MTMR9: variants seen among roughly 807,000 people sequenced by gnomAD.
MTMR9 encodes myotubularin related protein 9.
Under a neutral mutation model 69.5 loss-of-function variants are expected in MTMR9, and 39 were observed. The ratio of observed to expected loss-of-function variants is 0.56; its 90% CI spans 0.43 to 0.73. MTMR9 has a LOEUF of 0.73. Ranked by LOEUF, MTMR9 falls within the 30% of genes least tolerant of loss-of-function variation. The pLI is 0.00. For synonymous variants in MTMR9, 354 were observed against 240.8 expected (o/e 1.47, Z -4.35); for missense variants, 900 against 671.2 (o/e 1.34, Z -3.77).
chr8:11,302,542 A>G (rs922833115), intron 3 of MTMR9, among the ~76,000 whole-genome samples: 3 of 152,188 alleles, frequency 2.0e-5, no homozygotes, highest in Non-Finnish European at 4.4e-5. Context: ...ATCAATATCT[A>G]TTTATGATAA....
At chr8:11,310,009 T>C (rs1800131827) in intron 6 of MTMR9, among the ~76,000 whole-genome samples, 1 of 152,094 alleles carries the variant, frequency 6.6e-6, no homozygotes. Context: ...TGAAATAGAA[T>C]GAAAGGAAGT....
intron 1 of MTMR9, chr8:11,285,283 C>G (rs1020130263): frequency 1.7e-5 from 9 of 519,414 alleles, no homozygotes; most frequent in East Asian, 1.0e-4. Context: ...TCAGGGTTAT[C>G]GTGTGGCTGG....
the MTMR9 span, among the ~76,000 whole-genome samples, chr8:11,338,132 G>A: frequency 0.057 from 8,696 of 152,276 alleles, 552 homozygotes; most frequent in Admixed American, 0.19. Context: ...AGAATTTAGC[G>A]TCCTGGCAAG....
rs944222140 is a variant in MTMR9 at position 11,325,560 on chromosome 8, A to G, written c.*2772A>G. ...GTGAAAGCTGGTTTTTATACAGGAG[A>G]TACGTAAAGTAGGCCCCACAAATAA... On this transcript the variant is annotated 3_prime_UTR_variant, in exon 10 of 10. Transcript: ENST00000221086. 1.3e-5 allele frequency: 2 copies of G among 152,172 alleles called. No homozygotes were observed. The highest frequency in any genetic ancestry group is 4.8e-5 in the African/African-American group (2 of 41,444). The allele number at this position is 152,172 out of a possible 1,614,324, so 9.4% of individuals were successfully genotyped here.
the MTMR9 span, among the ~76,000 whole-genome samples, chr8:11,337,065 G>T: frequency 2.6e-5 from 4 of 152,090 alleles, no homozygotes; most frequent in Admixed American, 2.6e-4. Context: ...TAGAGTTCTG[G>T]ACTGTTATCT....
At chr8:11,310,196 A>G (rs868193504) in intron 6 of MTMR9, among the ~76,000 whole-genome samples, 41 of 152,316 alleles carry the variant, frequency 2.7e-4, no homozygotes, top group South Asian at 1.0e-3. Context: ...ACCTAGTGGT[A>G]GTGATGTTGA....
At chr8:11,297,914 G>A (rs1799616153) in intron 2 of MTMR9, 1 of 456,086 alleles carries the variant, frequency 2.2e-6, no homozygotes, top group Admixed American at 2.4e-5. Flanking sequence ...CCTCCTGCTA[G>A]CCCTCCACCC....
the MTMR9 span, among the ~76,000 whole-genome samples, chr8:11,337,382 G>A: frequency 6.6e-6 from 1 of 152,182 alleles, no homozygotes; most frequent in Non-Finnish European, 1.5e-5. Flanking sequence ...TTTCACCTTG[G>A]ATATCTTAAC....
chr8:11,332,125 A>C, downstream of MTMR9: 1 of 1,611,868 alleles, frequency 6.2e-7, no homozygotes, highest in Non-Finnish European at 8.5e-7. Flanking sequence ...GAGGAGTGAG[A>C]TAGAACTTGG....
At chr8:11,309,264 A>C (rs1178194632) in intron 5 of MTMR9, among the ~76,000 whole-genome samples, 1 of 152,200 alleles carries the variant, frequency 6.6e-6, no homozygotes, top group Non-Finnish European at 1.5e-5. Flanking sequence ...CCTCTCCTAT[A>C]GTCAGATAAT....
Position 11,284,857 on chromosome 8 carries a change from G to T in MTMR9, c.-32G>T. The T allele has an allele frequency of 1.9e-6, 3 of 1,559,364 alleles. No individual in the cohort carries two copies. Among genetic ancestry groups the T allele is most frequent in the Non-Finnish European group, 1.7e-6 (2 of 1,155,062 alleles). On this transcript the variant is annotated 5_prime_UTR_variant, in exon 1 of 10. Coordinates refer to ENST00000221086, the MANE Select transcript of MTMR9 (RefSeq NM_015458.4). ...GGGGTAACCGCCTCGCACCTACCGGGCTCGGTTCCCTGGCTCCGGCCGCGG... is the reference window on the plus strand; with the variant it reads ...GGGGTAACCGCCTCGCACCTACCGGTCTCGGTTCCCTGGCTCCGGCCGCGG...
rs186406935 is a variant in MTMR9, at chr8:11,326,738, A to C, written c.*3950A>C. 1 of 152,324 alleles carries C rather than the reference A, an allele frequency of 6.6e-6. No individual in the cohort carries two copies. The highest frequency in any genetic ancestry group is 1.5e-5 in the Non-Finnish European group (1 of 68,118). 9.4% of individuals were successfully genotyped at this position (152,324 alleles called of 1,614,324 possible). A position where few individuals can be genotyped will look rare whatever the true frequency, so the allele number is the denominator to read the frequency against. On this transcript the variant is annotated 3_prime_UTR_variant, in exon 10 of 10. Transcript: ENST00000221086. Reference sequence around the variant, plus strand: ...GTAATCCCAGCACTTTGGGAGGCCAAGGCGGGCGGATCATGAGGTCAGGAG... The same window carrying C: ...GTAATCCCAGCACTTTGGGAGGCCACGGCGGGCGGATCATGAGGTCAGGAG...
chr8:11,331,213 C>T (rs1335195953), downstream of MTMR9: 1 of 1,613,866 alleles, frequency 6.2e-7, no homozygotes, highest in African/African-American at 1.3e-5. Context: ...CCCTCTGGTG[C>T]CACCAATGGC....
At chr8:11,298,720 A>ACGGC in intron 2 of MTMR9, 1 of 726,512 alleles carries the variant, frequency 1.4e-6, no homozygotes, top group Non-Finnish European at 1.6e-6. Flanking sequence ...TCCCCGCTGC[A>ACGGC]CCCCCCCCCC....
At chr8:11,299,838 A>G (rs1034922845) in intron 2 of MTMR9, among the ~76,000 whole-genome samples, 185 bp from the exon 3 acceptor site, 11 of 152,088 alleles carry the variant, frequency 7.2e-5, no homozygotes, top group African/African-American at 2.7e-4. Flanking sequence ...TTTGTTAGAT[A>G]CTAGAAGCAA....
chr8:11,304,890 C>T lies in MTMR9; in HGVS notation c.467C>T (p.Pro156Leu). 1.2e-6 allele frequency: 2 copies of T among 1,614,006 alleles called. No homozygotes were observed. The highest frequency in any genetic ancestry group is 1.7e-6 in the Non-Finnish European group (2 of 1,179,940). ...GTCAATAAGGAATTTGCTGTCTGTCCCTCTTACCCACCAATTGTCACAGTG... is the reference window on the plus strand; with the variant it reads ...GTCAATAAGGAATTTGCTGTCTGTCTCTCTTACCCACCAATTGTCACAGTG... Reference protein sequence around the residue: ...SYVNKEFAVCPSYPPIVTVPK... With the variant: ...SYVNKEFAVCLSYPPIVTVPK... Residue 156 changes from proline (P) to leucine (L), a missense_variant, in exon 4 of 10, where the codon CCC becomes CTC. Physicochemically the swap from Pro to Leu is moderately conservative, Grantham distance 98 (BLOSUM62 -3). Coordinates refer to ENST00000221086, the MANE Select transcript of MTMR9 (RefSeq NM_015458.4).
chr8:11,334,082 C>T, the MTMR9 span, among the ~76,000 whole-genome samples: 1 of 152,194 alleles, frequency 6.6e-6, no homozygotes, highest in East Asian at 1.9e-4. Flanking sequence ...GATGAGGCAG[C>T]ACAAAGGCCC....
At position 11,309,507 on chromosome 8, in the gene MTMR9, T is replaced by A; in HGVS notation, c.810-20T>A. 1 of 1,573,650 alleles carries A rather than the reference T, an allele frequency of 6.4e-7. No homozygotes were observed. On this transcript the variant is annotated intron_variant, in intron 5 of 9. Transcript: ENST00000221086. Reference sequence around the variant, plus strand: ...TCTATTTTCTGGGTTTGTTATTTTTTACTTTCTTACTTTTAAAAGGTATCA... The same window carrying A: ...TCTATTTTCTGGGTTTGTTATTTTTAACTTTCTTACTTTTAAAAGGTATCA...
At chr8:11,329,191 C>T (rs144342508), downstream of MTMR9, among the ~76,000 whole-genome samples, 639 of 152,232 alleles carry the variant, frequency 4.2e-3, 7 homozygotes, top group Admixed American at 8.3e-3. Context: ...GCCAGGAGTT[C>T]GAGACCAGCA....
Sources: allele counts gnomAD v4.1 joint callset (sites outside exome capture counted in the v4.1 genomes callset), GRCh38; gene constraint gnomAD v4.1.1; transcripts MANE v1.5; gene names NCBI Gene and HGNC (gene_info 2026-07-23, HGNC 2026-07-21).